LAMA4: variants seen among roughly 807,000 people sequenced by gnomAD.
The protein encoded by LAMA4 is laminin subunit alpha-4.
Under a neutral mutation model 207.1 loss-of-function variants are expected in LAMA4, and 127 were observed. The observed-to-expected ratio is 0.61, with a 90% CI of 0.53 to 0.71. The LOEUF (loss-of-function observed/expected upper bound fraction) is 0.71, where lower values mean the gene tolerates loss of function less well. LAMA4 is among the 30% of genes least tolerant of loss of function. LAMA4 has a pLI of 0.00. For missense variants in LAMA4, 2,093 were observed against 2,246.5 expected (o/e 0.93, Z 1.38); for synonymous variants, 761 against 816.0 (o/e 0.93, Z 1.15).
chr6:112,159,103 A>C (rs1265365732), intron 13 of LAMA4: 11 of 532,936 alleles, frequency 2.1e-5, no homozygotes, highest in Non-Finnish European at 3.7e-5. Flanking sequence ...CACAACCCAG[A>C]AATGCTCTAC....
chr6:112,162,815 T>G (rs1781135508), intron 13 of LAMA4, among the ~76,000 whole-genome samples: 1 of 152,086 alleles, frequency 6.6e-6, no homozygotes, highest in African/African-American at 2.4e-5. Context: ...GTGTATTCAT[T>G]GGTGTGTAAT....
At position 112,117,358 on chromosome 6, in the gene LAMA4, T is replaced by C. The variant is rs1778081541; in HGVS notation, c.4981+381A>G. Among the ~76,000 whole-genome samples the C allele has an allele frequency of 2.0e-5, 3 of 152,092 alleles. No homozygotes were observed. On this transcript the variant is annotated intron_variant, in intron 35 of 38. Coordinates refer to ENST00000230538, the MANE Select transcript of LAMA4 (RefSeq NM_001105206.3). This position sits in a 1 kb window ranked among gnomAD's most constrained non-coding sequence, Gnocchi z 4.5. ...CGTTGTCTGCTGGTGTTGCAAGTCA[T>C]GGGGAGAAAGTGGGACTTCCTTTAG...
chr6:112,120,862 G>T (rs1166267271), intron 32 of LAMA4, among the ~76,000 whole-genome samples: 2 of 151,980 alleles, frequency 1.3e-5, no homozygotes, highest in African/African-American at 2.4e-5. Flanking sequence ...ACTTGAGCCT[G>T]GGAGTTCAAG....
intron 5 of LAMA4, among the ~76,000 whole-genome samples, chr6:112,193,559 GTCTCAGT>G (rs1562718196): frequency 6.6e-6 from 1 of 152,100 alleles, no homozygotes; most frequent in East Asian, 1.9e-4. Flanking sequence ...CTGTTCCCAT[GTCTCAGT>G]TTCTTGGTGT....
At chr6:112,162,481 T>A (rs1554338647) in intron 13 of LAMA4, among the ~76,000 whole-genome samples, 2 of 151,360 alleles carry the variant, frequency 1.3e-5, no homozygotes, top group African/African-American at 2.4e-5. Context: ...TCAAAAAAAA[T>A]AACAATAAAA....
chr6:112,168,034 T>C (rs1781488717), intron 12 of LAMA4, among the ~76,000 whole-genome samples: 1 of 151,850 alleles, frequency 6.6e-6, no homozygotes, highest in Non-Finnish European at 1.5e-5. Context: ...CCATCTCTAC[T>C]AAAAATACAA....
At chr6:112,131,911 A>T (rs1779057059) in intron 28 of LAMA4, among the ~76,000 whole-genome samples, 1 of 152,164 alleles carries the variant, frequency 6.6e-6, no homozygotes, top group South Asian at 2.1e-4. Context: ...CATCAGTTGG[A>T]TCTTACAGTC....
chr6:112,147,907 A>G (rs1344226683), intron 18 of LAMA4, among the ~76,000 whole-genome samples: 2 of 152,208 alleles, frequency 1.3e-5, no homozygotes, highest in African/African-American at 4.8e-5. Flanking sequence ...TTTCACATAG[A>G]AAAAATTATG....
chr6:112,192,225 C>T (rs144099547), intron 5 of LAMA4, among the ~76,000 whole-genome samples: 1 of 152,312 alleles, frequency 6.6e-6, no homozygotes, highest in African/African-American at 2.4e-5. Flanking sequence ...ATGTCCTAGC[C>T]ACAACGTTAA....
chr6:112,120,485 A>C lies in LAMA4; in HGVS notation c.4476-13T>G, dbSNP rs782713819. 6.3e-7 allele frequency: 1 copy of C among 1,598,428 alleles called. No individual in the cohort carries two copies. The highest frequency in any genetic ancestry group is 1.1e-5 in the South Asian group (1 of 90,664). ...GGAAAACTGAGATCTGGTAAATGAA[A>C]AGAAAGGGATTACCATATGTAAAAT... On this transcript the variant is annotated splice_polypyrimidine_tract_variant and intron_variant, in intron 32 of 38. Coordinates refer to ENST00000230538, the MANE Select transcript of LAMA4 (RefSeq NM_001105206.3).
chr6:112,236,698 C>T (rs1332822577), intron 2 of LAMA4: 4 of 152,242 alleles, frequency 2.6e-5, no homozygotes, highest in Admixed American at 6.5e-5. Flanking sequence ...CTTCATGACA[C>T]TATGAAATGC....
intron 6 of LAMA4, among the ~76,000 whole-genome samples, chr6:112,190,935 CTTT>C (rs782413124): frequency 0.049 from 2,793 of 57,264 alleles, 36 homozygotes; most frequent in African/African-American, 0.056. Context: ...TTCTTTCTTT[CTTT>C]CTTTCTTTCC....
At chr6:112,215,617 T>C (rs1784580294) in intron 3 of LAMA4, among the ~76,000 whole-genome samples, 1 of 152,234 alleles carries the variant, frequency 6.6e-6, no homozygotes, top group Non-Finnish European at 1.5e-5. Flanking sequence ...TAAGTTCTTA[T>C]AAATGCCCTC....
At chr6:112,175,925 G>A (rs1781998775) in intron 10 of LAMA4, among the ~76,000 whole-genome samples, 1 of 152,224 alleles carries the variant, frequency 6.6e-6, no homozygotes, top group Non-Finnish European at 1.5e-5. Flanking sequence ...TCATGGGTGA[G>A]ATTATTAATG....
rs782441058 is a variant in LAMA4, at chr6:112,144,837, C to A, written c.2450G>T (p.Arg817Met). ...PASNVSASIQRIRELIAQTRS... is the reference protein window; with the variant it reads ...PASNVSASIQMIRELIAQTRS... ...GGTCTGAGCAATGAGCTCTCGGATC[C>A]TCTGGATGCTGGCAGAAACGTTGCT... is the stretch of plus-strand genomic sequence containing the variant. Residue 817 changes from arginine to methionine, a missense_variant, in exon 19 of 39, where the codon AGG becomes ATG. Physicochemically the swap from Arg to Met is moderately conservative, Grantham distance 91 (BLOSUM62 -1). Around this residue, in one of 3 missense-constraint regions of LAMA4, gnomAD observed 1,704 missense variants for 1,788.4 expected, o/e 0.95. Coordinates refer to ENST00000230538, the MANE Select transcript of LAMA4 (RefSeq NM_001105206.3). 4 of 1,613,920 alleles carry A rather than the reference C, an allele frequency of 2.5e-6. No individual in the cohort carries two copies. The highest frequency in any genetic ancestry group is 3.4e-6 in the Non-Finnish European group (4 of 1,180,012).
chr6:112,114,270 C>A (rs1777882748), intron 37 of LAMA4, 75 bp from the exon 38 acceptor site: 1 of 1,443,472 alleles, frequency 6.9e-7, no homozygotes. Flanking sequence ...GACTATTTAT[C>A]ACAGCAATTG....
chr6:112,165,390 A>T (rs569110937), intron 12 of LAMA4, 114 bp from the exon 13 acceptor site: 44 of 765,318 alleles, frequency 5.7e-5, no homozygotes, highest in East Asian at 2.2e-4. Flanking sequence ...CTGGGTTCAT[A>T]TCCCAGCTCC....
intron 2 of LAMA4, among the ~76,000 whole-genome samples, chr6:112,244,734 T>G (rs1295750826): frequency 6.6e-6 from 1 of 152,050 alleles, no homozygotes; most frequent in Non-Finnish European, 1.5e-5. Flanking sequence ...AATGAGAGAG[T>G]TGAATCTCTA....
chr6:112,210,137 T>C (rs1232295473), intron 3 of LAMA4, among the ~76,000 whole-genome samples: 1 of 152,040 alleles, frequency 6.6e-6, no homozygotes, highest in Non-Finnish European at 1.5e-5. Flanking sequence ...CAGAAGCCTG[T>C]ACAGCCCACA....
Sources: gnomAD v4.1 joint callset for allele counts (sites outside exome capture counted in the v4.1 genomes callset) on GRCh38, gnomAD v4.1.1 for gene constraint, gnomAD v4.1.1 regional missense constraint, Gnocchi (gnomAD v3.1) non-coding constraint, MANE v1.5 for transcripts, NCBI Gene and HGNC (gene_info 2026-07-23, HGNC 2026-07-21) for gene names.